Variants in DNAH3 observed in about 807,000 individuals in gnomAD.
The protein encoded by DNAH3 is dynein axonemal heavy chain 3.
In DNAH3, 332 loss-of-function variants were observed where a neutral mutation model predicts 432.5. That is an observed-to-expected ratio of 0.77 (90% confidence interval 0.70 to 0.84). The LOEUF (loss-of-function observed/expected upper bound fraction) is 0.84, where lower values mean the gene tolerates loss of function less well. Ranked by LOEUF, DNAH3 falls within the 40% of genes least tolerant of loss-of-function variation. The pLI, the probability that DNAH3 is intolerant of heterozygous loss-of-function variation, is 0.00. For synonymous variants in DNAH3, 1,956 were observed against 1,900.2 expected (o/e 1.03, Z -0.76); for missense variants, 4,861 against 5,114.0 (o/e 0.95, Z 1.51).
At chr16:21,027,352 A>G (rs985150482) in intron 37 of DNAH3, among the ~76,000 whole-genome samples, 1 of 152,220 alleles carries the variant, frequency 6.6e-6, no homozygotes, top group Non-Finnish European at 1.5e-5. Context: ...ATGACAGACA[A>G]TAAGCAAAAT....
intron 41 of DNAH3, among the ~76,000 whole-genome samples, chr16:21,016,842 A>G (rs1349271332): frequency 6.6e-6 from 1 of 152,240 alleles, no homozygotes; most frequent in East Asian, 1.9e-4. Context: ...GGAAATTCTG[A>G]CACGTGCTAC....
At chr16:21,110,778 G>C (rs1252263411) in intron 14 of DNAH3, among the ~76,000 whole-genome samples, 1 of 152,172 alleles carries the variant, frequency 6.6e-6, no homozygotes, top group East Asian at 1.9e-4. Context: ...GGTTGAGGCA[G>C]GGGGATCACT....
At chr16:21,131,572 G>A (rs1350723371) in intron 7 of DNAH3, among the ~76,000 whole-genome samples, 4 of 151,956 alleles carry the variant, frequency 2.6e-5, no homozygotes, top group African/African-American at 7.2e-5. Context: ...AAGAAAGGCC[G>A]GACGTGGTGG....
At chr16:20,987,723 C>G (rs753893566) in exon 46 of DNAH3, 1 of 1,614,010 alleles carries the variant, frequency 6.2e-7, no homozygotes, top group Non-Finnish European at 8.5e-7. Context: ...ACAGCAGGAC[C>G]CCTTGAATCA....
chr16:20,953,523 C>T (rs774215440), intron 55 of DNAH3, among the ~76,000 whole-genome samples: 62 of 151,978 alleles, frequency 4.1e-4, no homozygotes, highest in Non-Finnish European at 6.9e-4. Flanking sequence ...TAATAAAATT[C>T]GTGTGCCAGC....
intron 25 of DNAH3, among the ~76,000 whole-genome samples, chr16:21,061,030 G>A (rs1285891573): frequency 6.7e-6 from 1 of 150,326 alleles, no homozygotes; most frequent in East Asian, 2.0e-4. Context: ...GTAGAGCCGT[G>A]GTCTCTCTAT....
At chr16:20,943,048 TTAG>T (rs2083887038) in intron 58 of DNAH3, among the ~76,000 whole-genome samples, 1 of 151,598 alleles carries the variant, frequency 6.6e-6, no homozygotes, top group South Asian at 2.1e-4. Flanking sequence ...CGCAGCCCCC[TTAG>T]TAGCTGGGAC....
At chr16:21,137,614 G>A (rs1314189248) in intron 5 of DNAH3, among the ~76,000 whole-genome samples, 2 of 151,966 alleles carry the variant, frequency 1.3e-5, no homozygotes, top group South Asian at 4.2e-4. Flanking sequence ...GTGGAGACGG[G>A]GTTTCACCAT....
chr16:21,147,512 G>A (rs777340360), intron 1 of DNAH3, among the ~76,000 whole-genome samples: 4 of 152,168 alleles, frequency 2.6e-5, no homozygotes, highest in Non-Finnish European at 4.4e-5. Flanking sequence ...CACTCCACCA[G>A]GTGGACTCTT....
At chr16:21,134,095 G>C (rs1209834059) in intron 7 of DNAH3, 164 bp downstream of exon 8, 1 of 649,086 alleles carries the variant, frequency 1.5e-6, no homozygotes, top group African/African-American at 1.8e-5. Flanking sequence ...AGCCTGCAAG[G>C]AAAGGTGTCA....
intron 44 of DNAH3, among the ~76,000 whole-genome samples, chr16:20,993,857 T>C (rs1402043303): frequency 6.6e-6 from 1 of 152,132 alleles, no homozygotes; most frequent in Non-Finnish European, 1.5e-5. Context: ...CTAATTTATT[T>C]TTCTTGAAAG....
At chr16:21,091,694 T>C (rs1489269971) in intron 18 of DNAH3, among the ~76,000 whole-genome samples, 1 of 152,104 alleles carries the variant, frequency 6.6e-6, no homozygotes, top group East Asian at 1.9e-4. Flanking sequence ...CATGTGCCTA[T>C]AATCCCAACT....
At chr16:21,050,724 G>A (rs190073123) in intron 29 of DNAH3, among the ~76,000 whole-genome samples, 162 of 152,314 alleles carry the variant, frequency 1.1e-3, no homozygotes, top group African/African-American at 3.6e-3. Context: ...GACTACAGGC[G>A]TGAGCCACCA....
intron 12 of DNAH3, 110 bp downstream of exon 12, chr16:21,117,093 A>G: frequency 1.5e-6 from 1 of 684,324 alleles, no homozygotes; most frequent in Non-Finnish European, 2.5e-6. Context: ...TATTCTTACT[A>G]TGTATGTGTT....
intron 52 of DNAH3, among the ~76,000 whole-genome samples, chr16:20,967,981 G>A (rs934006162): frequency 6.6e-6 from 1 of 152,130 alleles, no homozygotes; most frequent in Admixed American, 6.5e-5. Context: ...CTTTGCCTCT[G>A]CTTTATGTGA....
exon 28 of DNAH3, chr16:21,054,507 T>C: frequency 6.2e-7 from 1 of 1,614,106 alleles, no homozygotes; most frequent in Non-Finnish European, 8.5e-7. Flanking sequence ...ATCTGCGCAA[T>C]CTGATCATTG....
chr16:20,949,156 G>C (rs561389786), intron 56 of DNAH3, among the ~76,000 whole-genome samples: 1 of 151,102 alleles, frequency 6.6e-6, no homozygotes, highest in South Asian at 2.1e-4. Context: ...AAGTGCCAAA[G>C]TCTGTCACGC....
exon 39 of DNAH3, chr16:21,024,665 G>A (rs765637980): frequency 6.2e-7 from 1 of 1,613,850 alleles, no homozygotes; most frequent in Admixed American, 1.7e-5. Context: ...GGGGCTTCCA[G>A]CCTAGTTGAT....
At chr16:21,068,676 T>G (rs1272899946) in intron 23 of DNAH3, among the ~76,000 whole-genome samples, 1 of 152,224 alleles carries the variant, frequency 6.6e-6, no homozygotes. Context: ...ATTTTCTGAT[T>G]TCTAGTATAA....
Sources: gnomAD v4.1 joint callset for allele counts (sites outside exome capture counted in the v4.1 genomes callset) on GRCh38, gnomAD v4.1.1 for gene constraint, MANE v1.5 for transcripts, NCBI Gene and HGNC (gene_info 2026-07-23, HGNC 2026-07-21) for gene names.